SUMF2: variants seen among roughly 807,000 people sequenced by gnomAD.
The protein encoded by SUMF2 is sulfatase modifying factor 2.
In SUMF2, 45 loss-of-function variants were observed where a neutral mutation model predicts 44.8. The observed-to-expected ratio is 1.00, with a 90% confidence interval of 0.79 to 1.29. SUMF2 has a LOEUF of 1.29. Among genes scored for constraint, SUMF2 ranks in the 50% most tolerant of loss-of-function variants. The probability of loss-of-function intolerance (pLI) is 0.00; values close to 1 mark genes in which losing one functional copy is unlikely to be tolerated. For synonymous variants in SUMF2, 148 were observed against 150.4 expected (o/e 0.98, Z 0.12); for missense variants, 418 against 389.9 (o/e 1.07, Z -0.61).
chr7:56,083,458 A>G (rs909644626), downstream of SUMF2: 3 of 1,613,256 alleles, frequency 1.9e-6, no homozygotes, highest in Admixed American at 3.3e-5. Flanking sequence ...TGGGGCACAC[A>G]CTTGTTACTC....
chr7:56,079,671 G>A lies in SUMF2; in HGVS notation c.*59G>A, dbSNP rs773690454. The A allele has an allele frequency of 2.5e-6, 4 of 1,614,094 alleles. No homozygotes were observed. The East Asian group carries it at 8.9e-5, about 36-fold the overall frequency. On this transcript the variant is annotated 3_prime_UTR_variant, in exon 9 of 9. Coordinates refer to ENST00000434526, the MANE Select transcript of SUMF2 (RefSeq NM_015411.4). ...AGGGTCACTGTCATTCCCTGGCCAT[G>A]TTGCAAACAGCGCAATTCCAAGCTC...
rs139491470 is a variant in SUMF2 at position 56,078,436 on chromosome 7, G to C, written c.749G>C (p.Arg250Pro). ...TACCAGGCTGCTGAGCAGGACATGC[G>C]CGTCCTCCGGGGGGCATCCTGGATC... ...SPYQAAEQDMRVLRGASWIDT... is the reference protein window; with the variant it reads ...SPYQAAEQDMPVLRGASWIDT... The change falls in exon 8 of 9, where the codon CGC (arginine) becomes CCC (proline). Residue 250 changes from arginine to proline, a missense_variant. Physicochemically the swap from Arg to Pro is moderately radical, Grantham distance 103 (BLOSUM62 -2). Coordinates refer to ENST00000434526, the MANE Select transcript of SUMF2 (RefSeq NM_015411.4). 3 of 1,610,600 alleles carry C rather than the reference G, an allele frequency of 1.9e-6. No individual in the cohort carries two copies. Among genetic ancestry groups the C allele is most frequent in the Admixed American group, 1.7e-5 (1 of 59,558 alleles).
At chr7:56,074,814 G>A in intron 5 of SUMF2, 78 bp downstream of exon 5, 1 of 1,575,382 alleles carries the variant, frequency 6.3e-7, no homozygotes, top group Non-Finnish European at 8.7e-7. Flanking sequence ...AGGGTGGAAA[G>A]GGGCTGGGCG....
intron 3 of SUMF2, chr7:56,073,924 A>G: frequency 3.7e-6 from 2 of 542,420 alleles, no homozygotes; most frequent in South Asian, 2.4e-5. Context: ...TTGAGGTGGG[A>G]GGATTACCTG....
At chr7:56,084,300 G>A (rs1235010096), downstream of SUMF2, 2 of 1,015,562 alleles carry the variant, frequency 2.0e-6, no homozygotes, top group South Asian at 1.4e-5. Flanking sequence ...ATGGCTGGAG[G>A]CTGAAAGAGG....
intron 3 of SUMF2, chr7:56,073,694 G>A (rs1056073921): frequency 5.6e-6 from 1 of 179,622 alleles, no homozygotes; most frequent in Non-Finnish European, 1.2e-5. Flanking sequence ...CTCTAATAAG[G>A]GTGGTAAGAT....
chr7:56,069,022 T>C (rs1794998527), intron 2 of SUMF2, among the ~76,000 whole-genome samples: 1 of 152,102 alleles, frequency 6.6e-6, no homozygotes, highest in African/African-American at 2.4e-5. Flanking sequence ...TCATTCTTAA[T>C]ATCTAAAGGA....
intron 6 of SUMF2, among the ~76,000 whole-genome samples, chr7:56,077,478 A>G (rs1285657625): frequency 4.0e-5 from 6 of 150,816 alleles, no homozygotes; most frequent in African/African-American, 1.5e-4. Context: ...CCTGGCCAAT[A>G]TGGTGAAACC....
downstream of SUMF2, among the ~76,000 whole-genome samples, chr7:56,082,719 C>T (rs1194524380): frequency 2.6e-5 from 4 of 152,186 alleles, no homozygotes; most frequent in Admixed American, 6.5e-5. Context: ...GCCCACAGGG[C>T]CACCAGCTCA....
At chr7:56,065,587 T>TTTTA (rs952502554) in intron 1 of SUMF2, among the ~76,000 whole-genome samples, 36 of 152,116 alleles carry the variant, frequency 2.4e-4, no homozygotes, top group Admixed American at 1.1e-3. Context: ...TACTTACTCC[T>TTTTA]TTTATTTATT....
chr7:56,078,835 C>T, intron 8 of SUMF2: 1 of 447,318 alleles, frequency 2.2e-6, no homozygotes, highest in Non-Finnish European at 3.9e-6. Context: ...AGAATGACCA[C>T]ACCAGTAGGT....
At chr7:56,077,703 A>G (rs1233050911) in intron 6 of SUMF2, among the ~76,000 whole-genome samples, 1 of 152,028 alleles carries the variant, frequency 6.6e-6, no homozygotes, top group Non-Finnish European at 1.5e-5. Context: ...ATAAAAAAGC[A>G]CTGTCCTGAG....
chr7:56,080,879 C>T (rs1350855846), downstream of SUMF2: 2 of 732,246 alleles, frequency 2.7e-6, no homozygotes, highest in Non-Finnish European at 4.4e-6. Context: ...GTGGGAACAC[C>T]CACTTCCCTT....
rs746368596 is a variant in SUMF2, at chr7:56,078,121, A to T, written c.611A>T (p.Asp204Val). 3.7e-6 allele frequency: 6 copies of T among 1,612,456 alleles called. No individual in the cohort carries two copies. In the South Asian group the frequency reaches 6.6e-5, roughly 18 times the overall value. ...CATCAGGGAAAGTTCCCCAAGGGAG[A>T]CAAAGCTGAGGATGGCTTCCATGGA... ...NLWQGKFPKG[D>V]KAEDGFHGVS... The change falls in exon 7 of 9, where the codon GAC (aspartate) becomes GTC (valine). Residue 204 changes from aspartate (D) to valine (V), a missense_variant. Physicochemically the swap from Asp to Val is radical, Grantham distance 152. Coordinates refer to ENST00000434526, the MANE Select transcript of SUMF2 (RefSeq NM_015411.4).
chr7:56,079,419 T>G (rs1795822481), intron 8 of SUMF2, 109 bp from the exon 9 acceptor site: 1 of 1,128,766 alleles, frequency 8.9e-7, no homozygotes, highest in Admixed American at 2.1e-5. Flanking sequence ...TCCCCAGCCC[T>G]CATGCTCCCT....
chr7:56,087,005 A>AT, the SUMF2 span: 6 of 1,609,602 alleles, frequency 3.7e-6, no homozygotes, highest in Non-Finnish European at 5.1e-6. Flanking sequence ...TGTTGGTCTC[A>AT]TAAGTGTCCT....
downstream of SUMF2, chr7:56,081,690 G>A (rs1796000126): frequency 6.2e-7 from 1 of 1,613,998 alleles, no homozygotes; most frequent in Non-Finnish European, 8.5e-7. This position sits in a 1 kb window ranked among gnomAD's most constrained non-coding sequence, Gnocchi z 4.6. Flanking sequence ...GCTGGAAGAA[G>A]GGGTGTGCCA....
At chr7:56,083,966 G>A (rs1270324379), downstream of SUMF2, among the ~76,000 whole-genome samples, 1 of 152,124 alleles carries the variant, frequency 6.6e-6, no homozygotes, top group African/African-American at 2.4e-5. Context: ...CCGAGGAATA[G>A]GCCTAGGTTT....
chr7:56,073,665 A>G, intron 3 of SUMF2: 1 of 173,678 alleles, frequency 5.8e-6, no homozygotes. Flanking sequence ...AAAAAGAGAG[A>G]TCACCTTGGC....
Sources: gnomAD v4.1 joint callset for allele counts (sites outside exome capture counted in the v4.1 genomes callset) on GRCh38, gnomAD v4.1.1 for gene constraint, Gnocchi (gnomAD v3.1) non-coding constraint, MANE v1.5 for transcripts, NCBI Gene and HGNC (gene_info 2026-07-23, HGNC 2026-07-21) for gene names.